Variants in FAM193A observed in about 807,000 individuals in gnomAD.
The protein encoded by FAM193A is family with sequence similarity 193 member A, also known as protein FAM193A.
A neutral mutation model predicts 126.5 loss-of-function variants in FAM193A; 22 were observed. The observed-to-expected ratio is 0.17, with a 90% CI of 0.12 to 0.25. The LOEUF (loss-of-function observed/expected upper bound fraction) is 0.25. Ranked by LOEUF, FAM193A falls within the 10% of genes least tolerant of loss-of-function variation. The pLI, the probability that FAM193A is intolerant of heterozygous loss-of-function variation, is 1.00. For missense variants in FAM193A, 1,675 were observed against 1,672.8 expected (o/e 1.00, Z -0.02); for synonymous variants, 761 against 646.8 (o/e 1.18, Z -2.68).
At chr4:2,684,237 C>T (rs1376417112) in intron 13 of FAM193A, among the ~76,000 whole-genome samples, 2 of 152,168 alleles carry the variant, frequency 1.3e-5, no homozygotes, top group Admixed American at 6.5e-5. Flanking sequence ...GCATGTTTCT[C>T]ATCTCCTTTT....
chr4:2,678,359 GGT>G (rs1560556731), intron 13 of FAM193A, among the ~76,000 whole-genome samples: 1 of 141,698 alleles, frequency 7.1e-6, no homozygotes. Context: ...TGGTTTTGGT[GGT>G]TTTTTTTTTT....
chr4:2,590,090 A>C (rs1233446529), intron 1 of FAM193A, among the ~76,000 whole-genome samples: 1 of 150,156 alleles, frequency 6.7e-6, no homozygotes, highest in Non-Finnish European at 1.5e-5. Context: ...AGCTGAGATC[A>C]CGCCACTGCA....
intron 2 of FAM193A, among the ~76,000 whole-genome samples, chr4:2,608,796 A>G (rs1408337397): frequency 6.6e-6 from 1 of 152,154 alleles, no homozygotes; most frequent in African/African-American, 2.4e-5. Flanking sequence ...CTTGCTCCTT[A>G]ATAGTCAGGA....
chr4:2,683,355 C>T (rs1030806144), intron 13 of FAM193A, among the ~76,000 whole-genome samples: 4 of 151,208 alleles, frequency 2.6e-5, no homozygotes, highest in Non-Finnish European at 4.4e-5. Flanking sequence ...AGTGCAGTGG[C>T]GCCATCTCGG....
chr4:2,569,123 C>T (rs1739143108), intron 1 of FAM193A, among the ~76,000 whole-genome samples: 1 of 151,962 alleles, frequency 6.6e-6, no homozygotes, highest in Non-Finnish European at 1.5e-5. Context: ...GTGTGCATCA[C>T]CGCACCTGGG....
intron 1 of FAM193A, among the ~76,000 whole-genome samples, chr4:2,587,723 T>A (rs1433460085): frequency 6.6e-6 from 1 of 151,498 alleles, no homozygotes. Flanking sequence ...AAGAAAAAAA[T>A]TTTGAAAAGA....
At chr4:2,570,104 C>CT (rs976358615) in intron 1 of FAM193A, among the ~76,000 whole-genome samples, 2 of 137,992 alleles carry the variant, frequency 1.4e-5, no homozygotes, top group Non-Finnish European at 3.1e-5. Context: ...TTTTGGGTAT[C>CT]TTCTGAAATT....
At chr4:2,691,165 G>A (rs1238808892) in intron 15 of FAM193A, among the ~76,000 whole-genome samples, 195 bp downstream of exon 15, 1 of 152,210 alleles carries the variant, frequency 6.6e-6, no homozygotes, top group African/African-American at 2.4e-5. Flanking sequence ...TAGCTGTTGT[G>A]CTAGATTCCT....
chr4:2,541,471 GA>G (rs1737228986), intron 1 of FAM193A, among the ~76,000 whole-genome samples: 3 of 137,022 alleles, frequency 2.2e-5, no homozygotes, highest in African/African-American at 8.5e-5. Flanking sequence ...TTTTGAGACA[GA>G]GTCTCGCTCT....
intron 19 of FAM193A, among the ~76,000 whole-genome samples, chr4:2,706,800 A>T (rs969288999): frequency 6.6e-6 from 1 of 151,280 alleles, no homozygotes; most frequent in Non-Finnish European, 1.5e-5. Context: ...GTTCTATATG[A>T]ACTTTAGCAT....
chr4:2,714,739 A>G (rs1019433212), intron 19 of FAM193A, among the ~76,000 whole-genome samples: 2 of 152,190 alleles, frequency 1.3e-5, no homozygotes, highest in Admixed American at 1.3e-4. Flanking sequence ...GCTACCATGG[A>G]AATTCCCCAG....
Position 2,685,214 on chromosome 4 carries a change from G to A in FAM193A, c.2332-4292G>A, listed in dbSNP as rs570715745. On this transcript the variant is annotated intron_variant, in intron 13 of 20. Transcript: ENST00000637812. ...AGTGTATCAAGTGGAGCCTGGTGAC[G>A]TGGTGTAAGGGGAGGACCGGGTGCC... Among the ~76,000 whole-genome samples the A allele has an allele frequency of 1.8e-4, 28 of 152,270 alleles. No homozygotes were observed. The South Asian group carries it at 1.9e-3, about 10-fold the overall frequency.
At chr4:2,638,798 G>C (rs1232617071) in intron 5 of FAM193A, among the ~76,000 whole-genome samples, 1 of 152,206 alleles carries the variant, frequency 6.6e-6, no homozygotes, top group Non-Finnish European at 1.5e-5. Flanking sequence ...TGAAATCTTT[G>C]TGTCGTTCAT....
At chr4:2,708,545 C>G (rs1718568187) in intron 19 of FAM193A, among the ~76,000 whole-genome samples, 1 of 152,002 alleles carries the variant, frequency 6.6e-6, no homozygotes, top group African/African-American at 2.4e-5. Context: ...TCACTGCAGC[C>G]TACGCCTTCT....
chr4:2,721,392 A>C (rs1720139268), intron 20 of FAM193A, among the ~76,000 whole-genome samples: 1 of 150,940 alleles, frequency 6.6e-6, no homozygotes, highest in African/African-American at 2.4e-5. Context: ...GGAAATTGAC[A>C]CAGGAGTATC....
intron 20 of FAM193A, among the ~76,000 whole-genome samples, chr4:2,723,661 A>G (rs1205446999): frequency 1.4e-4 from 22 of 152,242 alleles, no homozygotes; most frequent in Non-Finnish European, 1.9e-4. Context: ...AAGGTTTAAA[A>G]CACTTGATAT....
At chr4:2,706,129 G>GC (rs1718272438) in intron 19 of FAM193A, among the ~76,000 whole-genome samples, 1 of 152,058 alleles carries the variant, frequency 6.6e-6, no homozygotes, top group South Asian at 2.1e-4. Flanking sequence ...GATCACTTGA[G>GC]CCCAGGTGTT....
At chr4:2,634,981 T>G (rs1743948096) in intron 5 of FAM193A, among the ~76,000 whole-genome samples, 1 of 152,334 alleles carries the variant, frequency 6.6e-6, no homozygotes, top group East Asian at 1.9e-4. Flanking sequence ...TTCTCTTCCC[T>G]CTTTTTGATG....
chr4:2,585,058 AGAT>A (rs1740160800), intron 1 of FAM193A, among the ~76,000 whole-genome samples: 1 of 152,206 alleles, frequency 6.6e-6, no homozygotes, highest in Non-Finnish European at 1.5e-5. Context: ...AATATTTGAA[AGAT>A]TTATTTGTTT....
Sources: allele counts gnomAD v4.1 joint callset (sites outside exome capture counted in the v4.1 genomes callset), GRCh38; gene constraint gnomAD v4.1.1; transcripts MANE v1.5; gene names NCBI Gene and HGNC (gene_info 2026-07-23, HGNC 2026-07-21).